Variants in NT5M observed in about 807,000 individuals in gnomAD.
The protein encoded by NT5M is 5',3'-nucleotidase, mitochondrial.
A neutral mutation model predicts 22.2 loss-of-function variants in NT5M; 22 were observed. That is an observed-to-expected ratio of 0.99 (90% CI 0.71 to 1.41). The LOEUF (loss-of-function observed/expected upper bound fraction) is 1.41. Ranked by LOEUF, NT5M falls within the 40% of genes most tolerant of loss-of-function variation. NT5M has a pLI of 0.00. For synonymous variants in NT5M, 167 were observed against 133.0 expected, an observed-to-expected ratio of 1.26 and a Z score of -1.76; for missense variants, 322 against 314.8, an observed-to-expected ratio of 1.02 and a Z score of -0.17.
At chr17:17,320,873 T>G (rs2049137499) in intron 2 of NT5M, among the ~76,000 whole-genome samples, 1 of 151,900 alleles carries the variant, frequency 6.6e-6, no homozygotes, top group Non-Finnish European at 1.5e-5. Flanking sequence ...GCTGAGTACC[T>G]GTGGGTGAGG....
intron 4 of NT5M, 61 bp from the exon 5 acceptor site, chr17:17,346,744 C>G (rs1360839605): frequency 6.3e-7 from 1 of 1,596,542 alleles, no homozygotes; most frequent in South Asian, 1.1e-5. Context: ...CAGGTTTCCA[C>G]CCTAGGCGGC....
chr17:17,323,881 A>AT (rs909019158), intron 3 of NT5M, among the ~76,000 whole-genome samples: 5 of 151,618 alleles, frequency 3.3e-5, no homozygotes, highest in African/African-American at 1.2e-4. Flanking sequence ...CTGGATTCCC[A>AT]TTTTTTTTGA....
At position 17,306,535 on chromosome 17, in the gene NT5M, C is replaced by G; in HGVS notation, c.268-8C>G. On this transcript the variant is annotated splice_region_variant and splice_polypyrimidine_tract_variant and intron_variant, in intron 1 of 4. Coordinates refer to ENST00000389022, the MANE Select transcript of NT5M (RefSeq NM_020201.4). The stretch of plus-strand genomic sequence containing the variant: ...CCTGGAAGTAACTTGCTTTTCTCAA[C>G]TTCTCAGGAGAAGGCCATCAGCATT... The G allele has an allele frequency of 6.2e-7, 1 of 1,610,042 alleles. No individual in the cohort carries two copies. The highest frequency in any genetic ancestry group is 8.5e-7 in the Non-Finnish European group (1 of 1,176,404).
chr17:17,311,552 A>G (rs2145330893), intron 2 of NT5M, among the ~76,000 whole-genome samples: 1 of 152,306 alleles, frequency 6.6e-6, no homozygotes, highest in South Asian at 2.1e-4. Flanking sequence ...CATCAATATA[A>G]GGATTTATTT....
At chr17:17,346,737 GT>G (rs2049767273) in intron 4 of NT5M, 67 bp from the exon 5 acceptor site, 1 of 1,590,904 alleles carries the variant, frequency 6.3e-7, no homozygotes, top group African/African-American at 1.3e-5. Context: ...GGATACCCAG[GT>G]TTCCACCCTA....
intron 1 of NT5M, among the ~76,000 whole-genome samples, chr17:17,305,676 C>T (rs145680941): frequency 1.8e-3 from 280 of 152,182 alleles, no homozygotes; most frequent in African/African-American, 6.5e-3. Flanking sequence ...TCCTGTACTG[C>T]ACACGTGGGA....
At chr17:17,334,178 G>A (rs1327061277) in intron 3 of NT5M, among the ~76,000 whole-genome samples, 1 of 152,098 alleles carries the variant, frequency 6.6e-6, no homozygotes, top group Admixed American at 6.6e-5. Flanking sequence ...TGTTGGCCAG[G>A]CTGGTGTCAA....
chr17:17,320,598 C>T (rs1208049282), intron 2 of NT5M, among the ~76,000 whole-genome samples: 3 of 152,108 alleles, frequency 2.0e-5, no homozygotes, highest in Non-Finnish European at 4.4e-5. Flanking sequence ...ACGTTTCCCA[C>T]GTTGGAAATC....
intron 3 of NT5M, among the ~76,000 whole-genome samples, chr17:17,325,305 G>C (rs1395793175): frequency 6.6e-6 from 1 of 152,092 alleles, no homozygotes; most frequent in African/African-American, 2.4e-5. Flanking sequence ...CCTCGGCCCG[G>C]GACTGCCCTC....
intron 3 of NT5M, among the ~76,000 whole-genome samples, chr17:17,335,317 G>A (rs2049484635): frequency 1.3e-5 from 2 of 151,784 alleles, no homozygotes; most frequent in Admixed American, 6.6e-5. Flanking sequence ...GAATGCAGTG[G>A]TATGATCTCG....
rs2049552990 is a variant in NT5M at position 17,338,005 on chromosome 17, A to C, written c.430-6789A>C. Among the ~76,000 whole-genome samples, 3 of 152,220 alleles carry C rather than the reference A, an allele frequency of 2.0e-5. No individual in the cohort carries two copies. In the South Asian group the frequency reaches 6.2e-4, roughly 32 times the overall value. On this transcript the variant is annotated intron_variant, in intron 3 of 4. Coordinates refer to ENST00000389022, the MANE Select transcript of NT5M (RefSeq NM_020201.4). ...GACCAATGTCCTGGAGAGTTTCCCCAATGTTTTCTTTTAGTAGTTCTTGTA... is the reference window on the plus strand; with the variant it reads ...GACCAATGTCCTGGAGAGTTTCCCCCATGTTTTCTTTTAGTAGTTCTTGTA...
At chr17:17,308,234 C>A (rs564165705) in intron 2 of NT5M, among the ~76,000 whole-genome samples, 2 of 152,148 alleles carry the variant, frequency 1.3e-5, no homozygotes, top group African/African-American at 2.4e-5. Flanking sequence ...ACTCAGTGAC[C>A]TGTTGACAAT....
intron 4 of NT5M, 76 bp downstream of exon 4, chr17:17,344,984 C>T: frequency 6.3e-7 from 1 of 1,589,294 alleles, no homozygotes; most frequent in South Asian, 1.1e-5. Context: ...GCAGTGAGCA[C>T]TCAGTTGCTT....
intron 3 of NT5M, among the ~76,000 whole-genome samples, chr17:17,339,933 G>A (rs2049603121): frequency 6.6e-6 from 1 of 151,984 alleles, no homozygotes; most frequent in Non-Finnish European, 1.5e-5. Flanking sequence ...TTGGCCTATA[G>A]TTTTCTTTTC....
chr17:17,346,503 A>C (rs2049761366), intron 4 of NT5M, among the ~76,000 whole-genome samples: 1 of 152,104 alleles, frequency 6.6e-6, no homozygotes, highest in Admixed American at 6.5e-5. Flanking sequence ...AGTCGGGGGA[A>C]CACCATGTGG....
At chr17:17,311,981 G>A (rs2048930727) in intron 2 of NT5M, among the ~76,000 whole-genome samples, 2 of 152,254 alleles carry the variant, frequency 1.3e-5, no homozygotes, top group Non-Finnish European at 1.5e-5. Flanking sequence ...GAGCTGCAGG[G>A]CACAGTGGTT....
chr17:17,342,544 G>A lies in NT5M; in HGVS notation c.430-2250G>A, dbSNP rs576183890. Among the ~76,000 whole-genome samples, 41 of 152,166 alleles carry A rather than the reference G, an allele frequency of 2.7e-4. 1 individual carries two copies. ...CAAAAGCATTGGTCACAATGCAGTG[G>A]AAATTAAAAAAACAAAACCTGACCC... On this transcript the variant is annotated intron_variant, in intron 3 of 4. Transcript: ENST00000389022.
intron 3 of NT5M, among the ~76,000 whole-genome samples, chr17:17,338,677 GTTTTT>G (rs59650601): frequency 3.3e-4 from 24 of 73,214 alleles, no homozygotes; most frequent in African/African-American, 1.4e-3. Flanking sequence ...AATGTTAAGG[GTTTTT>G]TTTTTTTTTT....
At position 17,328,294 on chromosome 17, in the gene NT5M, G is replaced by A. The variant is rs144902255; in HGVS notation, c.429+5049G>A. Among the ~76,000 whole-genome samples the A allele has an allele frequency of 3.8e-3, 582 of 152,236 alleles. 8 individuals are homozygous for A. Among genetic ancestry groups the A allele is most frequent in the Middle Eastern group, 3.4e-3 (1 of 294 alleles). On this transcript the variant is annotated intron_variant, in intron 3 of 4. Coordinates refer to ENST00000389022, the MANE Select transcript of NT5M (RefSeq NM_020201.4). ...AGGGGCTGATTGGGAGCGGGGTTGG[G>A]CCAGGTGAAATGGATTAGTTTATCC... is the stretch of plus-strand genomic sequence containing the variant.
Sources: allele counts gnomAD v4.1 joint callset (sites outside exome capture counted in the v4.1 genomes callset), GRCh38; gene constraint gnomAD v4.1.1; transcripts MANE v1.5; gene names NCBI Gene and HGNC (gene_info 2026-07-23, HGNC 2026-07-21).